Variants in RAD17 observed in about 807,000 individuals in gnomAD.
RAD17 encodes the protein cell cycle checkpoint protein RAD17.
In RAD17, 31 loss-of-function variants were observed where a neutral mutation model predicts 81.5. That is an observed-to-expected ratio of 0.38 (90% CI 0.29 to 0.51). The LOEUF (loss-of-function observed/expected upper bound fraction) is 0.51. RAD17 is among the 20% of genes least tolerant of loss of function. The pLI, the probability that RAD17 is intolerant of heterozygous loss-of-function variation, is 0.88. For missense variants in RAD17, 681 were observed against 781.2 expected (o/e 0.87, Z 1.53); for synonymous variants, 261 against 266.2 (o/e 0.98, Z 0.19).
intron 1 of RAD17, chr5:69,370,235 A>T (rs1762854818): frequency 6.5e-6 from 1 of 153,974 alleles, no homozygotes; most frequent in East Asian, 1.9e-4. Flanking sequence ...CTGACATCTC[A>T]TTTCAGTAAC....
chr5:69,377,516 C>A (rs201345407), intron 6 of RAD17, among the ~76,000 whole-genome samples: 1 of 30,722 alleles, frequency 3.3e-5, no homozygotes, highest in African/African-American at 1.5e-4. Flanking sequence ...TGTATATATA[C>A]GTATATATAT....
intron 18 of RAD17, among the ~76,000 whole-genome samples, chr5:69,412,551 C>T (rs149202185): frequency 6.6e-6 from 1 of 151,896 alleles, no homozygotes; most frequent in Non-Finnish European, 1.5e-5. Context: ...AGGTATATAC[C>T]TTTTGGGGCT....
At chr5:69,400,331 C>T (rs2150859740) in intron 17 of RAD17, among the ~76,000 whole-genome samples, 162 bp downstream of exon 17, 1 of 151,946 alleles carries the variant, frequency 6.6e-6, no homozygotes, top group Middle Eastern at 3.4e-3. Context: ...AATTCTGTTC[C>T]CTCAGCCTTC....
chr5:69,381,490 AAAG>A (rs915912253), intron 6 of RAD17, among the ~76,000 whole-genome samples: 3 of 152,252 alleles, frequency 2.0e-5, no homozygotes, highest in East Asian at 1.9e-4. Context: ...AAAAAAAAAA[AAAG>A]AATAAATTTT....
At chr5:69,410,788 T>C (rs1360282885) in intron 18 of RAD17, among the ~76,000 whole-genome samples, 5 of 152,030 alleles carry the variant, frequency 3.3e-5, no homozygotes, top group South Asian at 4.2e-4. Context: ...GGCAGAGGAA[T>C]CTTTAAAATC....
At chr5:69,402,230 T>C (rs1765318183) in intron 17 of RAD17, among the ~76,000 whole-genome samples, 1 of 151,444 alleles carries the variant, frequency 6.6e-6, no homozygotes, top group Non-Finnish European at 1.5e-5. Flanking sequence ...TTTGTATTTT[T>C]AGTAGAGGTG....
At chr5:69,379,877 GTTAAC>G (rs1285648489) in intron 6 of RAD17, among the ~76,000 whole-genome samples, 2 of 151,444 alleles carry the variant, frequency 1.3e-5, no homozygotes, top group African/African-American at 4.8e-5. Context: ...CTGTTTTATA[GTTAAC>G]TTCTTTTTTT....
Position 69,372,023 on chromosome 5 carries a change from C to A in RAD17, c.-175-11C>A, listed in dbSNP as rs1763038627. The A allele has an allele frequency of 8.3e-7, 1 of 1,199,428 alleles. No homozygotes were observed. The highest frequency in any genetic ancestry group is 1.6e-5 in the African/African-American group (1 of 63,328). 74.3% of individuals were successfully genotyped at this position (1,199,428 alleles called of 1,614,324 possible). A position where few individuals can be genotyped will look rare whatever the true frequency, so the allele number is the denominator to read the frequency against. On this transcript the variant is annotated splice_polypyrimidine_tract_variant and intron_variant, in intron 3 of 18. Transcript: ENST00000354868. ...ACTTAACTTTGCTGTTTATCTTTCT[C>A]TTTTTTTCAGTATATGGGAGTCCAC...
chr5:69,369,609 C>G, upstream of RAD17: 5 of 1,582,212 alleles, frequency 3.2e-6, no homozygotes, highest in Non-Finnish European at 4.3e-6. Flanking sequence ...AAGCCCACCG[C>G]GGCGCCCCTA....
rs201272714 is a variant in RAD17, at chr5:69,374,686, A to G, written c.326A>G (p.Gln109Arg). ...IEEVETWLKAQVLERQPKQGG... is the reference protein window; with the variant it reads ...IEEVETWLKARVLERQPKQGG... ...GAAGTCGAAACCTGGTTAAAAGCTC[A>G]AGTTTTAGAAAGGCAACCAAAACAG... is the stretch of plus-strand genomic sequence containing the variant. The change falls in exon 6 of 19, where the codon CAA becomes CGA. Residue 109 changes from glutamine to arginine, a missense_variant. Coordinates refer to ENST00000354868, the MANE Select transcript of RAD17 (RefSeq NM_133338.3). 11 of 1,612,012 alleles carry G rather than the reference A, an allele frequency of 6.8e-6. No homozygotes were observed. Among genetic ancestry groups the G allele is most frequent in the Non-Finnish European group, 8.5e-6 (10 of 1,179,158 alleles).
intron 17 of RAD17, among the ~76,000 whole-genome samples, chr5:69,401,890 G>T (rs1765292621): frequency 6.6e-6 from 1 of 150,900 alleles, no homozygotes; most frequent in Admixed American, 6.6e-5. Flanking sequence ...TGTAGTCCCA[G>T]CTACTTGGGA....
intron 13 of RAD17, 72 bp downstream of exon 13, chr5:69,392,085 T>G (rs1049464428): frequency 1.5e-6 from 2 of 1,294,528 alleles, no homozygotes; most frequent in Non-Finnish European, 2.1e-6. Flanking sequence ...AATGTCACTT[T>G]TAAAAAAATG....
chr5:69,389,208 C>A, intron 12 of RAD17, 63 bp downstream of exon 12: 1 of 986,486 alleles, frequency 1.0e-6, no homozygotes, highest in Non-Finnish European at 1.5e-6. Flanking sequence ...TTAATTCATT[C>A]AATGAAATCA....
At chr5:69,383,240 G>C (rs1469931171) in intron 7 of RAD17, among the ~76,000 whole-genome samples, 2 of 151,982 alleles carry the variant, frequency 1.3e-5, no homozygotes, top group Non-Finnish European at 1.5e-5. Flanking sequence ...AAGGGAAAAG[G>C]GTTCTGTAGA....
At chr5:69,372,255 T>G (rs1267232034) in intron 4 of RAD17, 38 bp downstream of exon 4, 1 of 1,480,520 alleles carries the variant, frequency 6.8e-7, no homozygotes, top group Non-Finnish European at 9.4e-7. Flanking sequence ...GGTCTTCCTT[T>G]TTTAATCCAC....
chr5:69,400,233 A>ATTTTG, intron 17 of RAD17, 64 bp downstream of exon 17: 1 of 212,324 alleles, frequency 4.7e-6, no homozygotes, highest in Non-Finnish European at 6.7e-6. Context: ...TATTTATTTT[A>ATTTTG]TTTTTTTAGG....
intron 6 of RAD17, among the ~76,000 whole-genome samples, chr5:69,378,993 G>C (rs1763680861): frequency 6.6e-6 from 1 of 152,172 alleles, no homozygotes; most frequent in African/African-American, 2.4e-5. Context: ...TATAATCCCA[G>C]CACTTTGGGA....
chr5:69,414,016 C>A lies in RAD17; in HGVS notation c.1752-15C>A. ...CCTTTGGTTCTTATTAATGCCTGCA[C>A]TGTGAATCTGACAGATTGAAAATGG... is the stretch of plus-strand genomic sequence containing the variant. On this transcript the variant is annotated splice_polypyrimidine_tract_variant and intron_variant, in intron 18 of 18. Coordinates refer to ENST00000354868, the MANE Select transcript of RAD17 (RefSeq NM_133338.3). 6.2e-7 allele frequency: 1 copy of A among 1,613,110 alleles called. No homozygotes were observed. Among genetic ancestry groups the A allele is most frequent in the Non-Finnish European group, 8.5e-7 (1 of 1,179,444 alleles).
intron 5 of RAD17, among the ~76,000 whole-genome samples, 186 bp from the exon 6 acceptor site, chr5:69,374,442 C>T (rs1041849559): frequency 2.0e-5 from 3 of 152,060 alleles, no homozygotes; most frequent in African/African-American, 7.2e-5. Flanking sequence ...GAGGTATCAA[C>T]TTAAGAATAT....
Sources: gnomAD v4.1 joint callset for allele counts (sites outside exome capture counted in the v4.1 genomes callset) on GRCh38, gnomAD v4.1.1 for gene constraint, MANE v1.5 for transcripts, NCBI Gene and HGNC (gene_info 2026-07-23, HGNC 2026-07-21) for gene names.